Variants in DIAPH2 observed in about 807,000 individuals in gnomAD.
DIAPH2 encodes the protein diaphanous related formin 2.
DIAPH2 carries 35 observed loss-of-function variants against 92.7 expected under a neutral mutation model. That is an observed-to-expected ratio of 0.38 (90% CI 0.29 to 0.50). The LOEUF is 0.50. Among genes scored for constraint, DIAPH2 ranks in the 20% least tolerant of loss-of-function variants. The probability of loss-of-function intolerance (pLI) is 0.94; values close to 1 mark genes in which losing one functional copy is unlikely to be tolerated. For missense variants in DIAPH2, 701 were observed against 819.5 expected (o/e 0.86, Z 1.77); for synonymous variants, 301 against 280.4 (o/e 1.07, Z -0.73).
intron 5 of DIAPH2, among the ~76,000 whole-genome samples, chrX:96,905,402 G>A (rs1427004169): frequency 1.8e-5 from 2 of 111,344 alleles, no homozygotes; most frequent in African/African-American, 6.5e-5. Context: ...ACTGTGAAAT[G>A]TTGTCCTTTA....
intron 26 of DIAPH2, among the ~76,000 whole-genome samples, chrX:97,590,415 G>A (rs1198672353): frequency 8.9e-6 from 1 of 112,049 alleles, no homozygotes. Context: ...CAGAAACAAA[G>A]GCAGATGACA....
intron 25 of DIAPH2, among the ~76,000 whole-genome samples, chrX:97,419,940 A>G (rs1241393589): frequency 9.0e-6 from 1 of 111,662 alleles, no homozygotes; most frequent in Admixed American, 9.6e-5. Context: ...TGATTCTGAT[A>G]AGACACACGG....
intron 22 of DIAPH2, among the ~76,000 whole-genome samples, chrX:97,159,954 A>G (rs779532421): frequency 4.5e-5 from 5 of 111,159 alleles, no homozygotes; most frequent in Non-Finnish European, 7.5e-5. Flanking sequence ...GCAGCAGCAG[A>G]CCAATACACT....
rs778184711 is a variant in DIAPH2 at position 96,884,873 on chromosome X, A to T, written c.587+3155A>T. 1 of 1,208,724 alleles carries T rather than the reference A, an allele frequency of 8.3e-7. No individual in the cohort carries two copies. The highest frequency in any genetic ancestry group is 1.8e-5 in the African/African-American group (1 of 56,930). ...GTGCCTGTGTCTCCATCAGAAGTGA[A>T]TGATGCTGGGGATAACGATGAGAGT... On this transcript the variant is annotated intron_variant, in intron 5 of 26. Transcript: ENST00000324765.
At chrX:97,444,278 C>T (rs2070287793) in intron 26 of DIAPH2, among the ~76,000 whole-genome samples, 1 of 80,337 alleles carries the variant, frequency 1.2e-5, no homozygotes, top group Admixed American at 1.7e-4. Flanking sequence ...ACAATACTCT[C>T]TGGGCAATGA....
chrX:97,008,597 T>C (rs183448871), intron 17 of DIAPH2, among the ~76,000 whole-genome samples: 39 of 111,867 alleles, frequency 3.5e-4, no homozygotes, highest in South Asian at 7.6e-4. Flanking sequence ...ACCTGACTAT[T>C]GTGATCTAAG....
chrX:96,811,164 TC>T (rs1279028397), intron 4 of DIAPH2, among the ~76,000 whole-genome samples: 2 of 112,044 alleles, frequency 1.8e-5, no homozygotes, highest in Admixed American at 9.5e-5. Context: ...GGAATGTTCT[TC>T]CATTTCTTTG....
intron 4 of DIAPH2, among the ~76,000 whole-genome samples, chrX:96,831,490 T>TA (rs1246705620): frequency 8.9e-6 from 1 of 111,808 alleles, no homozygotes; most frequent in African/African-American, 3.3e-5. Context: ...TTTCACTTTT[T>TA]AAAAAAAATC....
chrX:97,130,940 A>G (rs2067133707), intron 21 of DIAPH2, among the ~76,000 whole-genome samples: 1 of 110,140 alleles, frequency 9.1e-6, no homozygotes, highest in Non-Finnish European at 1.9e-5. Flanking sequence ...CCCCATCTCT[A>G]CAGAAAAATA....
At chrX:97,300,720 C>T (rs1287987582) in intron 23 of DIAPH2, among the ~76,000 whole-genome samples, 1 of 92,801 alleles carries the variant, frequency 1.1e-5, no homozygotes. Context: ...ATCACAAGGT[C>T]AGGAGATTGA....
At chrX:97,522,624 C>T (rs569091627) in intron 26 of DIAPH2, among the ~76,000 whole-genome samples, 1 of 112,947 alleles carries the variant, frequency 8.9e-6, no homozygotes, top group Admixed American at 9.3e-5. Context: ...AGAGGCAAAA[C>T]TAGGAACTGC....
In DIAPH2 at chrX:96,937,344, GA is replaced by G; in HGVS notation, c.1204del (p.Met402TrpfsTer4). The stretch of plus-strand genomic sequence containing the variant: ...ACACCGTCTCAATGACATTCGAGCA[GA>G]AATGGAATATCCTTTGACAAACCAC... ...LSHRLNDIRAEMDDMNEVYHL... is the reference protein window; with the variant it reads ...LSHRLNDIRAXMDDMNEVYHL... On this transcript the variant is annotated frameshift_variant, in exon 11 of 27. Transcript: ENST00000324765. LOFTEE classifies it high-confidence loss of function. 9.0e-7 allele frequency: 1 copy of G among 1,106,180 alleles called. No homozygotes were observed. The highest frequency in any genetic ancestry group is 1.2e-6 in the Non-Finnish European group (1 of 821,285). 91.2% of individuals were successfully genotyped at this position (1,106,180 alleles called of 1,213,427 possible). A position where few individuals can be genotyped will look rare whatever the true frequency, so the allele number is the denominator to read the frequency against.
intron 23 of DIAPH2, among the ~76,000 whole-genome samples, chrX:97,258,591 C>T (rs1215749071): frequency 1.0e-5 from 1 of 99,941 alleles, no homozygotes; most frequent in African/African-American, 3.7e-5. Context: ...TAATAAGAGC[C>T]AGTCACGGTG....
chrX:96,812,441 A>G (rs1006164375), intron 4 of DIAPH2, among the ~76,000 whole-genome samples: 13 of 111,203 alleles, frequency 1.2e-4, no homozygotes, highest in African/African-American at 4.3e-4. Flanking sequence ...CTAGTGGTCT[A>G]TCAGTTTTGT....
rs767329700 is a variant in DIAPH2 at position 96,939,315 on chromosome X, G to C, written c.1258G>C (p.Ala420Pro). 3.5e-6 allele frequency: 4 copies of C among 1,156,188 alleles called. No homozygotes were observed. The highest frequency in any genetic ancestry group is 4.7e-6 in the Non-Finnish European group (4 of 856,267). Residue 420 changes from alanine (A) to proline (P), a missense_variant, in exon 12 of 27, where the codon GCT becomes CCT. By Grantham distance (27) the Ala-to-Pro change is conservative. Around this residue, in one of 3 missense-constraint regions of DIAPH2, gnomAD observed 536 missense variants for 599.3 expected, o/e 0.89. Coordinates refer to ENST00000324765, the MANE Select transcript of DIAPH2 (RefSeq NM_006729.5). The stretch of plus-strand genomic sequence containing the variant: ...TCTATATAATATGCTGAAGGACACT[G>C]CTGCTGAAAATTACTTCTTATCTAT... ...HLLYNMLKDT[A>P]AENYFLSILQ...
chrX:97,220,342 A>G (rs1469362479), intron 22 of DIAPH2, among the ~76,000 whole-genome samples: 1 of 106,615 alleles, frequency 9.4e-6, no homozygotes, highest in Non-Finnish European at 1.9e-5. Flanking sequence ...TTTCAGTATG[A>G]TTTTATCAGT....
Position 97,021,934 on chromosome X carries a change from A to C in DIAPH2, c.2051-51007A>C, listed in dbSNP as rs941265747. 1.3e-4 allele frequency among the ~76,000 whole-genome samples: 15 copies of C among 112,111 alleles called. No individual in the cohort carries two copies. The Admixed American group carries it at 1.4e-3, about 11-fold the overall frequency. ...CAGGAATCTTATAGTATAATAGATCATCGTGCCTATAAAGAAACAGTCTAA... is the reference window on the plus strand; with the variant it reads ...CAGGAATCTTATAGTATAATAGATCCTCGTGCCTATAAAGAAACAGTCTAA... On this transcript the variant is annotated intron_variant, in intron 17 of 26. Coordinates refer to ENST00000324765, the MANE Select transcript of DIAPH2 (RefSeq NM_006729.5).
At chrX:96,791,296 A>G (rs1339991411) in intron 4 of DIAPH2, among the ~76,000 whole-genome samples, 1 of 112,394 alleles carries the variant, frequency 8.9e-6, no homozygotes. Context: ...ATTTCCAAAG[A>G]AAATAATTGG....
intron 26 of DIAPH2, among the ~76,000 whole-genome samples, chrX:97,578,572 G>T (rs2071414798): frequency 1.1e-5 from 1 of 88,553 alleles, no homozygotes; most frequent in African/African-American, 4.1e-5. Flanking sequence ...GTCTATCATT[G>T]TTAGACATTT....
Sources: gnomAD v4.1 joint callset for allele counts (sites outside exome capture counted in the v4.1 genomes callset) on GRCh38, gnomAD v4.1.1 for gene constraint, gnomAD v4.1.1 regional missense constraint, MANE v1.5 for transcripts, NCBI Gene and HGNC (gene_info 2026-07-23, HGNC 2026-07-21) for gene names.